MAML2: variants seen among roughly 807,000 people sequenced by gnomAD.
MAML2 encodes the protein mastermind-like protein 2.
A neutral mutation model predicts 96.1 loss-of-function variants in MAML2; 22 were observed. That is an observed-to-expected ratio of 0.23 (90% CI 0.16 to 0.33). The LOEUF (loss-of-function observed/expected upper bound fraction) is 0.33. Ranked by LOEUF, MAML2 falls within the 10% of genes least tolerant of loss-of-function variation. The probability of loss-of-function intolerance (pLI) is 1.00; values close to 1 mark genes in which losing one functional copy is unlikely to be tolerated. For synonymous variants in MAML2, 561 were observed against 521.3 expected (o/e 1.08, Z -1.04); for missense variants, 1,367 against 1,392.4 (o/e 0.98, Z 0.29).
At chr11:96,271,180 C>T (rs1862911545) in intron 1 of MAML2, among the ~76,000 whole-genome samples, 1 of 152,210 alleles carries the variant, frequency 6.6e-6, no homozygotes, top group Non-Finnish European at 1.5e-5. Context: ...TGCTCCTCAG[C>T]TTGTAGGCAA....
chr11:96,017,753 C>A (rs953126571), intron 2 of MAML2, among the ~76,000 whole-genome samples: 1 of 151,906 alleles, frequency 6.6e-6, no homozygotes, highest in Non-Finnish European at 1.5e-5. Flanking sequence ...GAGGTGGGAG[C>A]ATGTTTCATC....
intron 2 of MAML2, among the ~76,000 whole-genome samples, chr11:96,002,019 T>G (rs1269189429): frequency 6.6e-6 from 1 of 152,178 alleles, no homozygotes; most frequent in Non-Finnish European, 1.5e-5. Flanking sequence ...TCAACTCAGA[T>G]GTAATTTTTT....
At chr11:96,274,309 C>T (rs1473324554) in intron 1 of MAML2, among the ~76,000 whole-genome samples, 2 of 152,032 alleles carry the variant, frequency 1.3e-5, no homozygotes, top group Non-Finnish European at 2.9e-5. Flanking sequence ...GTCTCGATCT[C>T]CTGACCTTGT....
rs74980698 is a variant in MAML2 at position 96,336,249 on chromosome 11, A to T, written c.513+5134T>A. The stretch of plus-strand genomic sequence containing the variant: ...ATGTAAAATGGGACAAATGTTGATT[A>T]CTCACCTGTTTTTTGCAGGCCTTAC... On this transcript the variant is annotated intron_variant, in intron 1 of 4. Coordinates refer to ENST00000524717, the MANE Select transcript of MAML2 (RefSeq NM_032427.4). 2.7e-3 allele frequency among the ~76,000 whole-genome samples: 418 copies of T among 152,278 alleles called. 1 individual carries two copies. Among genetic ancestry groups the T allele is most frequent in the African/African-American group, 9.5e-3 (396 of 41,550 alleles).
At chr11:96,251,991 C>T (rs1862588124) in intron 1 of MAML2, among the ~76,000 whole-genome samples, 1 of 152,146 alleles carries the variant, frequency 6.6e-6, no homozygotes, top group African/African-American at 2.4e-5. Context: ...CTCAGCCTCC[C>T]AAAGTGCTGG....
chr11:96,173,719 G>C (rs773074446), intron 1 of MAML2, among the ~76,000 whole-genome samples: 1 of 152,188 alleles, frequency 6.6e-6, no homozygotes, highest in Non-Finnish European at 1.5e-5. Flanking sequence ...CAGGGGCGTC[G>C]AGAAGGTAAG....
intron 1 of MAML2, among the ~76,000 whole-genome samples, chr11:96,096,197 G>A (rs1362118364): frequency 6.6e-6 from 1 of 152,178 alleles, no homozygotes; most frequent in Non-Finnish European, 1.5e-5. Context: ...AACCTGTTCA[G>A]CCAGATTCTC....
intron 2 of MAML2, among the ~76,000 whole-genome samples, chr11:96,051,476 A>C (rs1283522407): frequency 6.6e-6 from 1 of 152,166 alleles, no homozygotes; most frequent in Non-Finnish European, 1.5e-5. Context: ...ATTATTCTAC[A>C]CATTTTATAG....
chr11:96,317,516 C>T (rs947405343), intron 1 of MAML2, among the ~76,000 whole-genome samples: 42 of 152,294 alleles, frequency 2.8e-4, no homozygotes, highest in African/African-American at 1.0e-3. Context: ...TACTGTGCCT[C>T]CCTTTACCAA....
intron 1 of MAML2, among the ~76,000 whole-genome samples, chr11:96,295,006 A>G (rs992512144): frequency 2.6e-5 from 4 of 152,338 alleles, no homozygotes; most frequent in Admixed American, 2.6e-4. Context: ...TGGTAAAATG[A>G]CCACAGCATC....
intron 1 of MAML2, among the ~76,000 whole-genome samples, chr11:96,333,769 C>T (rs897675398): frequency 2.6e-5 from 4 of 152,180 alleles, no homozygotes; most frequent in Non-Finnish European, 4.4e-5. Flanking sequence ...CAGTAGGAAG[C>T]GTCTAACCTT....
chr11:96,061,991 G>A lies in MAML2; in HGVS notation c.2139+29901C>T, dbSNP rs1859167948. 1.3e-5 allele frequency among the ~76,000 whole-genome samples: 2 copies of A among 152,044 alleles called. 1 individual carries two copies. Among genetic ancestry groups the A allele is most frequent in the African/African-American group, 4.8e-5 (2 of 41,384 alleles). The stretch of plus-strand genomic sequence containing the variant: ...AAAATGCGAAACTATCATACTATGA[G>A]AGACGAGTTCCACTTTAAGCATTAT... On this transcript the variant is annotated intron_variant, in intron 2 of 4. Coordinates refer to ENST00000524717, the MANE Select transcript of MAML2 (RefSeq NM_032427.4).
chr11:96,335,954 T>A (rs1004103784), intron 1 of MAML2, among the ~76,000 whole-genome samples: 23 of 152,192 alleles, frequency 1.5e-4, no homozygotes, highest in Admixed American at 8.5e-4. Context: ...TGTTCTCATA[T>A]AGCTATCCCT....
At chr11:96,312,070 T>G (rs1182846915) in intron 1 of MAML2, among the ~76,000 whole-genome samples, 1 of 151,494 alleles carries the variant, frequency 6.6e-6, no homozygotes, top group Non-Finnish European at 1.5e-5. Flanking sequence ...AACACAAAAA[T>G]TAACCGGGCA....
intron 1 of MAML2, among the ~76,000 whole-genome samples, chr11:96,290,307 C>G (rs1367382235): frequency 2.6e-5 from 4 of 152,154 alleles, no homozygotes; most frequent in African/African-American, 9.7e-5. Context: ...AAATGGTACC[C>G]TGGTGGCTTG....
chr11:96,311,153 A>T (rs1863537289), intron 1 of MAML2, among the ~76,000 whole-genome samples: 1 of 152,208 alleles, frequency 6.6e-6, no homozygotes, highest in South Asian at 2.1e-4. Context: ...TTAGACTCAA[A>T]TCTAGGTCCA....
intron 1 of MAML2, among the ~76,000 whole-genome samples, chr11:96,235,135 A>G (rs534203): frequency 0.91 from 138,054 of 152,186 alleles, 62,697 homozygotes; most frequent in Middle Eastern, 0.95. Context: ...CATTCTCCAT[A>G]ACAGACCAAG....
At chr11:96,047,253 C>A (rs940304386) in intron 2 of MAML2, among the ~76,000 whole-genome samples, 3 of 152,128 alleles carry the variant, frequency 2.0e-5, no homozygotes, top group African/African-American at 7.2e-5. Flanking sequence ...GAGTGCTTTC[C>A]CTTCAAATGC....
intron 2 of MAML2, among the ~76,000 whole-genome samples, chr11:96,057,808 C>G (rs1859092587): frequency 6.6e-6 from 1 of 152,184 alleles, no homozygotes; most frequent in Admixed American, 6.5e-5. Context: ...ACAAAATATA[C>G]CAAACACAAT....
Sources: allele counts gnomAD v4.1 joint callset (sites outside exome capture counted in the v4.1 genomes callset), GRCh38; gene constraint gnomAD v4.1.1; transcripts MANE v1.5; gene names NCBI Gene and HGNC (gene_info 2026-07-23, HGNC 2026-07-21).